The following CRISPLD2 variants were observed in gnomAD, a reference collection of about 807,000 sequenced individuals.
The protein encoded by CRISPLD2 is cysteine rich secretory protein LCCL domain containing 2.
A neutral mutation model predicts 71.1 loss-of-function variants in CRISPLD2; 47 were observed. That is an observed-to-expected ratio of 0.66 (90% CI 0.52 to 0.84). The LOEUF is 0.84. Ranked by LOEUF, CRISPLD2 falls within the 40% of genes least tolerant of loss-of-function variation. CRISPLD2 has a pLI of 0.00. For synonymous variants in CRISPLD2, 317 were observed against 250.1 expected (o/e 1.27, Z -2.52); for missense variants, 830 against 651.1 (o/e 1.27, Z -2.99).
chr16:84,827,558 C>CT (rs571068599), intron 1 of CRISPLD2, among the ~76,000 whole-genome samples: 2,060 of 135,874 alleles, frequency 0.015, 33 homozygotes, highest in East Asian at 0.038. Flanking sequence ...AGTGCCCTTT[C>CT]TTTTTTTTTT....
At chr16:84,846,241 C>G in intron 3 of CRISPLD2, 1 of 202,768 alleles carries the variant, frequency 4.9e-6, no homozygotes, top group Non-Finnish European at 1.0e-5. Context: ...CCTTCCCCTC[C>G]CCTCCCCTCC....
intron 14 of CRISPLD2, among the ~76,000 whole-genome samples, chr16:84,897,001 C>G (rs1440214018): frequency 1.3e-5 from 2 of 152,184 alleles, no homozygotes; most frequent in Non-Finnish European, 2.9e-5. Flanking sequence ...AAGGCAAGCT[C>G]TTCCTCCTCA....
rs568351432 is a variant in CRISPLD2 at position 84,838,742 on chromosome 16, G to T, written c.240+7G>T. On this transcript the variant is annotated splice_region_variant and intron_variant, in intron 2 of 14. Transcript: ENST00000262424. ...CTCCAACATGGAGTACATGGTGAGC[G>T]CCGGCTCCGGCCGCAGAGGCTGGCA... is the stretch of plus-strand genomic sequence containing the variant. The T allele has an allele frequency of 2.5e-6, 4 of 1,608,138 alleles. No individual in the cohort carries two copies. The highest frequency in any genetic ancestry group is 3.4e-4 in the Middle Eastern group (2 of 5,908).
intron 11 of CRISPLD2, among the ~76,000 whole-genome samples, chr16:84,874,773 A>G (rs2071503617): frequency 6.6e-6 from 1 of 152,106 alleles, no homozygotes. Context: ...ATTTTTTTGT[A>G]GTGATGACCT....
intron 14 of CRISPLD2, among the ~76,000 whole-genome samples, chr16:84,900,242 A>G (rs2071741502): frequency 2.0e-5 from 3 of 152,014 alleles, no homozygotes; most frequent in Admixed American, 2.0e-4. Flanking sequence ...TGAAGCTGCC[A>G]TGGAGAAGGG....
At chr16:84,866,133 G>A (rs74672504) in intron 6 of CRISPLD2, among the ~76,000 whole-genome samples, 24,073 of 152,112 alleles carry the variant, frequency 0.16, 2,087 homozygotes, top group East Asian at 0.29. Context: ...ACCGTGATGT[G>A]TGCATGATGA....
chr16:84,872,959 T>C (rs751103537), intron 9 of CRISPLD2, 33 bp from the exon 10 acceptor site: 3 of 1,583,090 alleles, frequency 1.9e-6, no homozygotes, highest in Non-Finnish European at 2.6e-6. Context: ...AGGTTGAGAA[T>C]GTGCCTCTGG....
chr16:84,873,216 G>T, intron 10 of CRISPLD2, 94 bp downstream of exon 10: 1 of 1,448,734 alleles, frequency 6.9e-7, no homozygotes, highest in Non-Finnish European at 9.3e-7. Context: ...GCCGGGCGTG[G>T]TGGCTCACAC....
chr16:84,904,256 G>GA (rs1597489737), intron 14 of CRISPLD2, among the ~76,000 whole-genome samples: 1 of 152,192 alleles, frequency 6.6e-6, no homozygotes, highest in Non-Finnish European at 1.5e-5. Flanking sequence ...GATCAAGATG[G>GA]TGGTGCTGAC....
At chr16:84,899,028 G>A (rs2071730587) in intron 14 of CRISPLD2, among the ~76,000 whole-genome samples, 1 of 152,114 alleles carries the variant, frequency 6.6e-6, no homozygotes, top group African/African-American at 2.4e-5. Flanking sequence ...TAGTTGCTGG[G>A]ACCACAGGCG....
intron 1 of CRISPLD2, among the ~76,000 whole-genome samples, chr16:84,837,417 T>TC (rs1229065748): frequency 1.0e-5 from 1 of 99,954 alleles, no homozygotes; most frequent in Non-Finnish European, 2.2e-5. Context: ...ATAGCTTGCT[T>TC]TTTTTTTTTT....
At chr16:84,847,334 T>C (rs1365056189) in intron 3 of CRISPLD2, among the ~76,000 whole-genome samples, 2 of 152,268 alleles carry the variant, frequency 1.3e-5, no homozygotes, top group East Asian at 3.9e-4. Flanking sequence ...GGTTTTTTCT[T>C]TGGTGAAGTT....
chr16:84,895,769 G>T (rs973975059), intron 14 of CRISPLD2, among the ~76,000 whole-genome samples: 11 of 152,272 alleles, frequency 7.2e-5, no homozygotes, highest in African/African-American at 2.4e-4. Context: ...AGGGGCGATG[G>T]CATTTGTAGC....
At chr16:84,854,686 C>CGTCGTGG in intron 5 of CRISPLD2, 43 bp from the exon 6 acceptor site, 1 of 1,468,700 alleles carries the variant, frequency 6.8e-7, no homozygotes, top group Non-Finnish European at 9.5e-7. Flanking sequence ...CGAGGCCTCA[C>CGTCGTGG]GTCGTGGTTC....
intron 1 of CRISPLD2, among the ~76,000 whole-genome samples, chr16:84,831,571 A>T (rs1041105511): frequency 1.3e-5 from 2 of 150,508 alleles, no homozygotes; most frequent in African/African-American, 4.9e-5. Flanking sequence ...TAATTTTTTT[A>T]TTATTATTAT....
intron 4 of CRISPLD2, among the ~76,000 whole-genome samples, chr16:84,849,825 C>G (rs1012252529): frequency 6.6e-6 from 1 of 151,554 alleles, no homozygotes; most frequent in Non-Finnish European, 1.5e-5. Flanking sequence ...TCAAGCAATC[C>G]TCCCACCTCA....
At chr16:84,852,034 A>G (rs1917103289) in intron 5 of CRISPLD2, among the ~76,000 whole-genome samples, 1 of 152,150 alleles carries the variant, frequency 6.6e-6, no homozygotes. Context: ...GTGGCAGATC[A>G]AGGTGTGGCA....
At chr16:84,896,186 C>A (rs1009720868) in intron 14 of CRISPLD2, among the ~76,000 whole-genome samples, 1 of 151,808 alleles carries the variant, frequency 6.6e-6, no homozygotes, top group Non-Finnish European at 1.5e-5. Context: ...TACAGGCACC[C>A]GCCACCACAC....
rs115146954 is a variant in CRISPLD2, at chr16:84,870,657, A to C, written c.914+1746A>C. On this transcript the variant is annotated intron_variant, in intron 8 of 14. Coordinates refer to ENST00000262424, the MANE Select transcript of CRISPLD2 (RefSeq NM_031476.4). Reference sequence around the variant, plus strand: ...ACTTAGTATTTTCCAAATATTCTTCACGCACTTCATGCTTAGTGACTGCCT... The same window carrying C: ...ACTTAGTATTTTCCAAATATTCTTCCCGCACTTCATGCTTAGTGACTGCCT... Among the ~76,000 whole-genome samples the C allele has an allele frequency of 5.1e-3, 779 of 152,278 alleles. 7 individuals carry two copies. The highest frequency in any genetic ancestry group is 0.018 in the African/African-American group (750 of 41,546).
Sources: gnomAD v4.1 joint callset for allele counts (sites outside exome capture counted in the v4.1 genomes callset) on GRCh38, gnomAD v4.1.1 for gene constraint, MANE v1.5 for transcripts, NCBI Gene and HGNC (gene_info 2026-07-23, HGNC 2026-07-21) for gene names.